SLU7: variants seen among roughly 807,000 people sequenced by gnomAD.
SLU7 encodes pre-mRNA-splicing factor SLU7.
A neutral mutation model predicts 87.0 loss-of-function variants in SLU7; 60 were observed. That is an observed-to-expected ratio of 0.69 (90% CI 0.56 to 0.86). The LOEUF (loss-of-function observed/expected upper bound fraction) is 0.86. SLU7 is among the 40% of genes least tolerant of loss of function. The pLI is 0.00. For missense variants in SLU7, 507 were observed against 686.6 expected (o/e 0.74, Z 2.92); for synonymous variants, 197 against 222.0 (o/e 0.89, Z 1.00).
intron 12 of SLU7, among the ~76,000 whole-genome samples, chr5:160,405,542 C>G (rs1764972171): frequency 6.6e-6 from 1 of 151,680 alleles, no homozygotes. Flanking sequence ...TGGTCTGGCT[C>G]CTATAGGGAG....
chr5:160,409,846 A>G (rs185361880), intron 6 of SLU7, among the ~76,000 whole-genome samples: 67 of 152,232 alleles, frequency 4.4e-4, no homozygotes, highest in South Asian at 2.1e-4. Context: ...ATATATTTGT[A>G]TTTGTATTTA....
At chr5:160,409,507 C>T (rs1765147895) in intron 6 of SLU7, among the ~76,000 whole-genome samples, 1 of 152,112 alleles carries the variant, frequency 6.6e-6, no homozygotes, top group Admixed American at 6.5e-5. Flanking sequence ...ATCTGCATGG[C>T]TTTTCTGAAT....
chr5:160,406,138 A>T (rs925070885), intron 12 of SLU7, among the ~76,000 whole-genome samples: 3 of 152,222 alleles, frequency 2.0e-5, no homozygotes, highest in Non-Finnish European at 4.4e-5. Context: ...CAAATGTTTC[A>T]GTCAAATAAA....
chr5:160,413,762 C>T, intron 4 of SLU7, 137 bp downstream of exon 4: 1 of 959,556 alleles, frequency 1.0e-6, no homozygotes, highest in East Asian at 2.6e-5. Context: ...TGGTGTTGAA[C>T]CAATTCCACT....
rs188520745 is a variant in SLU7, at chr5:160,416,941, A to G, written c.-16-1631T>C. 5.3e-5 allele frequency among the ~76,000 whole-genome samples: 8 copies of G among 152,286 alleles called. No homozygotes were observed. The East Asian group carries it at 1.5e-3, about 29-fold the overall frequency. Reference sequence around the variant, plus strand: ...CTGAATCATGGCGGCAGTTTCTCCCATACTGTTCTCCTGGTAATGAATAAG... The same window carrying G: ...CTGAATCATGGCGGCAGTTTCTCCCGTACTGTTCTCCTGGTAATGAATAAG... On this transcript the variant is annotated intron_variant, in intron 1 of 15. Transcript: ENST00000297151.
intron 13 of SLU7, 40 bp downstream of exon 13, chr5:160,404,991 G>A (rs777087681): frequency 3.6e-5 from 56 of 1,551,804 alleles, no homozygotes; most frequent in Middle Eastern, 1.7e-4. Context: ...TAGGAGCTTC[G>A]GTTGTTTTAT....
intron 1 of SLU7, 76 bp from the exon 2 acceptor site, chr5:160,415,386 A>G (rs1765407651): frequency 9.1e-7 from 1 of 1,097,444 alleles, no homozygotes; most frequent in South Asian, 1.8e-5. Flanking sequence ...ATACATCCTA[A>G]TAATATATAC....
chr5:160,410,713 C>A (rs1471069684), intron 6 of SLU7, among the ~76,000 whole-genome samples: 1 of 152,098 alleles, frequency 6.6e-6, no homozygotes, highest in Non-Finnish European at 1.5e-5. Context: ...GGCCCTTTTT[C>A]TTTTCCCAAA....
At position 160,403,023 on chromosome 5, in the gene SLU7, AAAT is replaced by A. The variant is rs1014056947; in HGVS notation, c.*259_*261del. On this transcript the variant is annotated 3_prime_UTR_variant, in exon 16 of 16. Coordinates refer to ENST00000297151, the MANE Select transcript of SLU7 (RefSeq NM_006425.5). ...GAGCAAGACTCCGTCTCAAAAAAAA[AAAT>A]AAATAAATAAAAAAAACTGGAAATA... 8.5e-6 allele frequency: 2 copies of A among 234,298 alleles called. No homozygotes were observed. The highest frequency in any genetic ancestry group is 1.6e-5 in the Non-Finnish European group (2 of 123,402). 14.5% of individuals were successfully genotyped at this position (234,298 alleles called of 1,614,324 possible). A position where few individuals can be genotyped will look rare whatever the true frequency, so the allele number is the denominator to read the frequency against.
Position 160,403,460 on chromosome 5 carries a change from AGTGCCTATAGTGAGAGGAATAAAAT to A in SLU7, c.1582-21_1585del. 1 of 1,592,482 alleles carries A rather than the reference AGTGCCTATAGTGAGAGGAATAAAAT, an allele frequency of 6.3e-7. No homozygotes were observed. The highest frequency in any genetic ancestry group is 8.5e-7 in the Non-Finnish European group (1 of 1,171,744). ...AAGAAGGCGGGCCTCCTCTGCGTTC[AGTGCCTATAGTGAGAGGAATAAAAT>A]GTGTATCACAGCTCTACATCAGATG... On this transcript the variant is annotated splice_acceptor_variant and splice_polypyrimidine_tract_variant and coding_sequence_variant and intron_variant, in exon 16 of 16. Coordinates refer to ENST00000297151, the MANE Select transcript of SLU7 (RefSeq NM_006425.5). LOFTEE classifies it high-confidence loss of function.
Position 160,408,373 on chromosome 5 carries a change from G to T in SLU7, c.775C>A (p.Arg259=). ...ATCCTGAGATTCCGGACAGTAATTC[G>T]TCTCTTGGAGTCAAAATTCTGTCCA... ...MPGQNFDSKR[R]ITVRNLRIRE... is the part of the protein sequence containing the mutation. The change falls in exon 8 of 16, where the codon CGA becomes AGA. Residue 259 remains arginine (R), a synonymous_variant. Transcript: ENST00000297151. The T allele has an allele frequency of 6.2e-7, 1 of 1,611,418 alleles. No homozygotes were observed. The highest frequency in any genetic ancestry group is 8.5e-7 in the Non-Finnish European group (1 of 1,178,790).
intron 14 of SLU7, 78 bp downstream of exon 14, chr5:160,404,729 GAA>G: frequency 7.9e-6 from 7 of 883,948 alleles, no homozygotes; most frequent in Admixed American, 2.5e-5. Context: ...TGTTTCAAAA[GAA>G]AAAAAAAAAC....
intron 8 of SLU7, 82 bp downstream of exon 8, chr5:160,408,247 C>T: frequency 1.4e-6 from 2 of 1,411,876 alleles, no homozygotes; most frequent in Non-Finnish European, 1.9e-6. Flanking sequence ...CTATATTATC[C>T]ATATGCTACC....
Position 160,407,514 on chromosome 5 carries a change from C to A in SLU7, c.1087G>T (p.Asp363Tyr). 5 of 1,612,470 alleles carry A rather than the reference C, an allele frequency of 3.1e-6. No individual in the cohort carries two copies. Among genetic ancestry groups the A allele is most frequent in the Non-Finnish European group, 4.2e-6 (5 of 1,179,466 alleles). Residue 363 changes from aspartate to tyrosine, a missense_variant, in exon 11 of 16, where the codon GAT becomes TAT. Asp to Tyr is a radical substitution (Grantham distance 160, BLOSUM62 -3). This residue lies in a region of SLU7 where 43 missense variants were observed against 58.4 expected (regional missense o/e 0.74). Coordinates refer to ENST00000297151, the MANE Select transcript of SLU7 (RefSeq NM_006425.5). This position sits in a 1 kb window ranked among gnomAD's most constrained non-coding sequence, Gnocchi z 4.2. The part of the protein sequence containing the change: ...LYKSFKVKKE[D>Y]FKEQQKESIL... The stretch of plus-strand genomic sequence containing the variant: ...CTTTCTTTCTGCTGTTCTTTGAAAT[C>A]TTCTTTTTTGACTTTGAAGGACTTA...
intron 8 of SLU7, 96 bp from the exon 9 acceptor site, chr5:160,408,164 A>G: frequency 1.7e-6 from 2 of 1,143,702 alleles, no homozygotes; most frequent in Non-Finnish European, 2.6e-6. Flanking sequence ...AATTAAATAA[A>G]TGTGTGTATA....
intron 1 of SLU7, 84 bp from the exon 2 acceptor site, chr5:160,415,394 T>G: frequency 1.0e-6 from 1 of 988,498 alleles, no homozygotes; most frequent in Non-Finnish European, 1.4e-6. Flanking sequence ...TAATAATATA[T>G]ACTGTTTCAT....
chr5:160,411,032 A>AC (rs956161496), intron 6 of SLU7, among the ~76,000 whole-genome samples: 2 of 151,214 alleles, frequency 1.3e-5, no homozygotes, highest in Non-Finnish European at 2.9e-5. Flanking sequence ...CGACTGGCTA[A>AC]TTTTTTGTAT....
intron 12 of SLU7, among the ~76,000 whole-genome samples, chr5:160,405,508 C>T (rs758494330): frequency 6.6e-6 from 1 of 152,184 alleles, no homozygotes; most frequent in South Asian, 2.1e-4. Context: ...ATTTGCCTGG[C>T]TCACTTCACT....
chr5:160,417,036 C>T (rs1765484751), intron 1 of SLU7: 1 of 152,208 alleles, frequency 6.6e-6, no homozygotes, highest in African/African-American at 2.4e-5. Flanking sequence ...ATTGTTGCCG[C>T]CATGTGAGAG....
Sources: allele counts gnomAD v4.1 joint callset (sites outside exome capture counted in the v4.1 genomes callset), GRCh38; gene constraint gnomAD v4.1.1; regional missense constraint gnomAD v4.1.1; non-coding constraint Gnocchi (gnomAD v3.1); transcripts MANE v1.5; gene names NCBI Gene and HGNC (gene_info 2026-07-23, HGNC 2026-07-21).